CAMK2A: variants seen among roughly 807,000 people sequenced by gnomAD.
The protein encoded by CAMK2A is calcium/calmodulin dependent protein kinase II alpha.
CAMK2A carries 7 observed loss-of-function variants against 79.2 expected under a neutral mutation model. The observed-to-expected ratio is 0.09, with a 90% confidence interval of 0.05 to 0.17. CAMK2A has a LOEUF of 0.17. CAMK2A is among the 10% of genes least tolerant of loss of function. CAMK2A has a pLI of 1.00. For synonymous variants in CAMK2A, 242 were observed against 251.7 expected (o/e 0.96, Z 0.36); for missense variants, 214 against 646.4 (o/e 0.33, Z 7.25).
At chr5:150,243,456 G>A (rs974183446) in intron 13 of CAMK2A, among the ~76,000 whole-genome samples, 1 of 152,156 alleles carries the variant, frequency 6.6e-6, no homozygotes, top group Admixed American at 6.5e-5. Flanking sequence ...TACACATAGA[G>A]GGATGGCGGG....
At position 150,256,715 on chromosome 5, in the gene CAMK2A, C is replaced by T. The variant is rs1442638860; in HGVS notation, c.338+51G>A. On this transcript the variant is annotated intron_variant, in intron 5 of 18. Transcript: ENST00000671881. This position sits in a 1 kb window ranked among gnomAD's most constrained non-coding sequence, Gnocchi z 4.6. Reference sequence around the variant, plus strand: ...CCTCCCCTGGGAAGCTGACAGCAGGCAAGAGTGCCCTGTCCCCGGGTGCCA... The same window carrying T: ...CCTCCCCTGGGAAGCTGACAGCAGGTAAGAGTGCCCTGTCCCCGGGTGCCA... 1 of 1,608,970 alleles carries T rather than the reference C, an allele frequency of 6.2e-7. No individual in the cohort carries two copies.
At chr5:150,263,582 T>C (rs1756387099) in intron 3 of CAMK2A, among the ~76,000 whole-genome samples, 1 of 150,870 alleles carries the variant, frequency 6.6e-6, no homozygotes, top group Admixed American at 6.6e-5. Context: ...CACACATACA[T>C]GCATACACAT....
At chr5:150,250,415 C>A in intron 10 of CAMK2A, 106 bp from the exon 11 acceptor site, 1 of 989,476 alleles carries the variant, frequency 1.0e-6, no homozygotes, top group Non-Finnish European at 1.6e-6. Context: ...TGGTTGACAT[C>A]TTGGGAAGAA....
At chr5:150,270,134 G>A (rs1048528905) in intron 2 of CAMK2A, among the ~76,000 whole-genome samples, 1 of 152,254 alleles carries the variant, frequency 6.6e-6, no homozygotes, top group Non-Finnish European at 1.5e-5. Flanking sequence ...TACAGCACCT[G>A]ATGGGGGTTA....
intron 12 of CAMK2A, 86 bp from the exon 13 acceptor site, chr5:150,245,287 G>T: frequency 7.6e-7 from 1 of 1,322,360 alleles, no homozygotes; most frequent in Non-Finnish European, 1.1e-6. Context: ...TCCACACGCA[G>T]CCGGAGGGCA....
chr5:150,272,986 C>G, intron 2 of CAMK2A, 79 bp downstream of exon 2: 1 of 1,137,844 alleles, frequency 8.8e-7, no homozygotes, highest in South Asian at 1.3e-5. Flanking sequence ...GCCCTGGATC[C>G]TGGTCTAAAC....
In CAMK2A at chr5:150,220,645, C is replaced by T. The variant is rs1754262934; in HGVS notation, c.*2065G>A. ...TCAAAAGGGGACAGGTGGTTTTGCC[C>T]CTGGGATAATGGGATCACTGGGCCT... is the stretch of plus-strand genomic sequence containing the variant. On this transcript the variant is annotated 3_prime_UTR_variant, in exon 19 of 19. Coordinates refer to ENST00000671881, the MANE Select transcript of CAMK2A (RefSeq NM_015981.4). 6.6e-6 allele frequency: 1 copy of T among 152,210 alleles called. No homozygotes were observed. The highest frequency in any genetic ancestry group is 1.5e-5 in the Non-Finnish European group (1 of 68,022). The allele number at this position is 152,210 out of a possible 1,614,324, so 9.4% of individuals were successfully genotyped here.
intron 13 of CAMK2A, among the ~76,000 whole-genome samples, chr5:150,241,182 A>G (rs1225329920): frequency 6.6e-6 from 1 of 152,172 alleles, no homozygotes; most frequent in Admixed American, 6.5e-5. Flanking sequence ...GGGGTGGCTC[A>G]CTGGACACTT....
chr5:150,248,583 C>G (rs1269589155), intron 11 of CAMK2A, among the ~76,000 whole-genome samples: 1 of 149,032 alleles, frequency 6.7e-6, no homozygotes. Flanking sequence ...AGAACATGCG[C>G]TGTTTGTTTT....
Position 150,222,329 on chromosome 5 carries a change from C to T in CAMK2A, c.*381G>A, listed in dbSNP as rs1754353321. 1.6e-6 allele frequency: 1 copy of T among 610,164 alleles called. No homozygotes were observed. Among genetic ancestry groups the T allele is most frequent in the Non-Finnish European group, 2.9e-6 (1 of 341,424 alleles). The allele number at this position is 610,164 out of a possible 1,614,324, so 37.8% of individuals were successfully genotyped here. The stretch of plus-strand genomic sequence containing the variant: ...AGGGACGGACGGATGCTGCCTTCCT[C>T]ATCATGCCACCCCTCCTTCTCCCCA... On this transcript the variant is annotated 3_prime_UTR_variant, in exon 19 of 19. Transcript: ENST00000671881.
intron 17 of CAMK2A, among the ~76,000 whole-genome samples, chr5:150,225,649 G>A (rs943254439): frequency 6.6e-6 from 1 of 152,236 alleles, no homozygotes; most frequent in Non-Finnish European, 1.5e-5. Flanking sequence ...CAGACTGTAA[G>A]ATGGTGGCTA....
At chr5:150,274,012 T>C (rs1161642802) in intron 1 of CAMK2A, among the ~76,000 whole-genome samples, 1 of 152,228 alleles carries the variant, frequency 6.6e-6, no homozygotes, top group Non-Finnish European at 1.5e-5. Context: ...AGATTGTCCA[T>C]ATTAAAGATT....
chr5:150,222,868 T>G lies in CAMK2A; in HGVS notation c.1466+121A>C, dbSNP rs1001481715. The G allele has an allele frequency of 2.9e-6, 4 of 1,369,832 alleles. No homozygotes were observed. In the African/African-American group the frequency reaches 4.3e-5, roughly 15 times the overall value. 84.9% of individuals were successfully genotyped at this position (1,369,832 alleles called of 1,614,324 possible). A position where few individuals can be genotyped will look rare whatever the true frequency, so the allele number is the denominator to read the frequency against. On this transcript the variant is annotated intron_variant, in intron 18 of 18. Coordinates refer to ENST00000671881, the MANE Select transcript of CAMK2A (RefSeq NM_015981.4). Reference sequence around the variant, plus strand: ...CAGGCCTGGCCCCCTTCTTGGGGTCTCCCCACCCCACTCTGCAGCCTTTCA... The same window carrying G: ...CAGGCCTGGCCCCCTTCTTGGGGTCGCCCCACCCCACTCTGCAGCCTTTCA...
At chr5:150,267,656 T>C (rs1298940234) in intron 2 of CAMK2A, among the ~76,000 whole-genome samples, 1 of 152,170 alleles carries the variant, frequency 6.6e-6, no homozygotes, top group East Asian at 1.9e-4. Flanking sequence ...TTTGCAGTGT[T>C]TTCATTTTCC....
At chr5:150,237,172 G>A (rs374814739) in intron 15 of CAMK2A, among the ~76,000 whole-genome samples, 1 of 152,160 alleles carries the variant, frequency 6.6e-6, no homozygotes, top group East Asian at 1.9e-4. Context: ...CATCTTCCAG[G>A]CATCCTGGCA....
chr5:150,248,784 C>T lies in CAMK2A; in HGVS notation c.901-970G>A, dbSNP rs141590029. Among the ~76,000 whole-genome samples the T allele has an allele frequency of 9.4e-3, 1,430 of 152,020 alleles. 31 individuals are homozygous for T. Among genetic ancestry groups the T allele is most frequent in the African/African-American group, 0.033 (1,371 of 41,444 alleles). On this transcript the variant is annotated intron_variant, in intron 11 of 18. Transcript: ENST00000671881. ...AAGTCTTTGCTATTGTGAGTAGTGCCGCAATAAATATATGTGTGCATGTGT... is the reference window on the plus strand; with the variant it reads ...AAGTCTTTGCTATTGTGAGTAGTGCTGCAATAAATATATGTGTGCATGTGT...
Position 150,222,728 on chromosome 5 carries a change from C to T in CAMK2A, c.1467-15G>A, listed in dbSNP as rs770243229. ...TGGTCCCTCAGCTGTAAGACACACA[C>T]GGGGTGCTTCTCAGGGCATGGTGTT... On this transcript the variant is annotated splice_polypyrimidine_tract_variant and intron_variant, in intron 18 of 18. Coordinates refer to ENST00000671881, the MANE Select transcript of CAMK2A (RefSeq NM_015981.4). 17 of 1,614,020 alleles carry T rather than the reference C, an allele frequency of 1.1e-5. No homozygotes were observed. Among genetic ancestry groups the T allele is most frequent in the Admixed American group, 1.0e-4 (6 of 60,024 alleles).
chr5:150,262,603 T>G (rs1461434529), intron 3 of CAMK2A, among the ~76,000 whole-genome samples: 1 of 152,150 alleles, frequency 6.6e-6, no homozygotes, highest in Admixed American at 6.5e-5. Context: ...GGGTCTACGA[T>G]GCACCTGACA....
chr5:150,256,813 C>T lies in CAMK2A; in HGVS notation c.291G>A (p.Leu97=). Residue 97 remains leucine, a synonymous_variant, in exon 5 of 19, where the codon CTG becomes CTA. Transcript: ENST00000671881. This position sits in a 1 kb window ranked among gnomAD's most constrained non-coding sequence, Gnocchi z 4.6. ...ACTCCCGGGCCACGATATCTTCAAA[C>T]AGTTCCCCACCAGTGACCCTGGGGA... ...LIFDLVTGGE[L]FEDIVAREYY... 5 of 1,614,144 alleles carry T rather than the reference C, an allele frequency of 3.1e-6. No homozygotes were observed. Among genetic ancestry groups the T allele is most frequent in the Non-Finnish European group, 4.2e-6 (5 of 1,179,968 alleles).
Sources: allele counts gnomAD v4.1 joint callset (sites outside exome capture counted in the v4.1 genomes callset), GRCh38; gene constraint gnomAD v4.1.1; non-coding constraint Gnocchi (gnomAD v3.1); transcripts MANE v1.5; gene names NCBI Gene and HGNC (gene_info 2026-07-23, HGNC 2026-07-21).